The following MGAT4C variants were observed in gnomAD, a reference collection of about 807,000 sequenced individuals.
MGAT4C encodes MGAT4 family member C, also known as alpha-1,3-mannosyl-glycoprotein 4-beta-N-acetylglucosaminyltransferase C.
In MGAT4C, 19 loss-of-function variants were observed where a neutral mutation model predicts 40.1. That is an observed-to-expected ratio of 0.47 (90% CI 0.33 to 0.70). The LOEUF is 0.70. Ranked by LOEUF, MGAT4C falls within the 30% of genes least tolerant of loss-of-function variation. The pLI, the probability that MGAT4C is intolerant of heterozygous loss-of-function variation, is 0.02. For synonymous variants in MGAT4C, 181 were observed against 187.1 expected, an observed-to-expected ratio of 0.97 and a Z score of 0.27; for missense variants, 491 against 563.2, an observed-to-expected ratio of 0.87 and a Z score of 1.30.
At chr12:86,071,125 A>C (rs1249148972) in intron 1 of MGAT4C, among the ~76,000 whole-genome samples, 1 of 152,114 alleles carries the variant, frequency 6.6e-6, no homozygotes, top group Non-Finnish European at 1.5e-5. Flanking sequence ...AGGACACTGC[A>C]CTCAATCTTA....
chr12:86,665,455 C>CTT (rs1964081430), intron 2 of MGAT4C, among the ~76,000 whole-genome samples: 1 of 151,912 alleles, frequency 6.6e-6, no homozygotes, highest in Non-Finnish European at 1.5e-5. Flanking sequence ...CGGCTCACTG[C>CTT]AAGTTCCGCT....
At chr12:86,447,500 A>C (rs1186712766) in intron 2 of MGAT4C, among the ~76,000 whole-genome samples, 1 of 152,200 alleles carries the variant, frequency 6.6e-6, no homozygotes, top group Non-Finnish European at 1.5e-5. Context: ...AACTTAGTTT[A>C]GAGATATTTA....
At chr12:86,758,986 T>C (rs999428836) in intron 1 of MGAT4C, among the ~76,000 whole-genome samples, 2 of 152,098 alleles carry the variant, frequency 1.3e-5, no homozygotes, top group African/African-American at 4.8e-5. Context: ...TCATGGCCTA[T>C]TCTTCCTACC....
intron 2 of MGAT4C, among the ~76,000 whole-genome samples, chr12:86,442,297 C>T (rs147414347): frequency 0.03 from 4,512 of 152,180 alleles, 102 homozygotes; most frequent in Middle Eastern, 0.072. Context: ...TGTAGGTTGC[C>T]TGTTCACTCT....
intron 1 of MGAT4C, among the ~76,000 whole-genome samples, chr12:86,801,340 C>T (rs1447265164): frequency 1.3e-5 from 2 of 151,718 alleles, no homozygotes; most frequent in African/African-American, 4.8e-5. Context: ...ATATCGAGAG[C>T]GTGTTGAGAA....
intron 1 of MGAT4C, among the ~76,000 whole-genome samples, chr12:86,208,339 C>T (rs967646116): frequency 4.6e-5 from 7 of 152,042 alleles, no homozygotes; most frequent in South Asian, 2.1e-4. Context: ...TGGTGGCATG[C>T]GCCTGTAATC....
intron 2 of MGAT4C, among the ~76,000 whole-genome samples, chr12:86,046,139 T>C (rs943624658): frequency 1.3e-5 from 2 of 152,198 alleles, no homozygotes; most frequent in Non-Finnish European, 1.5e-5. Context: ...GTTGAGAACA[T>C]AAGATGTTGT....
At chr12:86,266,216 A>G (rs1952783863) in intron 4 of MGAT4C, among the ~76,000 whole-genome samples, 2 of 152,212 alleles carry the variant, frequency 1.3e-5, no homozygotes, top group Non-Finnish European at 1.5e-5. Context: ...GTCTTGCTCC[A>G]GTTCTTAGGG....
chr12:86,311,256 C>T (rs1416945084), intron 4 of MGAT4C, among the ~76,000 whole-genome samples: 1 of 152,122 alleles, frequency 6.6e-6, no homozygotes, highest in Non-Finnish European at 1.5e-5. Flanking sequence ...GGCTACAAAC[C>T]TGTATGGCAT....
At chr12:86,103,363 G>T (rs1007953942) in intron 1 of MGAT4C, among the ~76,000 whole-genome samples, 6 of 152,162 alleles carry the variant, frequency 3.9e-5, no homozygotes, top group Non-Finnish European at 8.8e-5. Flanking sequence ...TAAGAGGGAT[G>T]CTAAGCAAGC....
intron 2 of MGAT4C, among the ~76,000 whole-genome samples, chr12:86,516,029 C>CT (rs1291033560): frequency 6.6e-6 from 1 of 152,008 alleles, no homozygotes; most frequent in East Asian, 1.9e-4. Context: ...CAGGTGTGAG[C>CT]CATCGCGCCC....
intron 2 of MGAT4C, among the ~76,000 whole-genome samples, chr12:86,543,380 C>A (rs1959177817): frequency 6.6e-6 from 1 of 151,052 alleles, no homozygotes; most frequent in African/African-American, 2.4e-5. Context: ...AGATTAACAC[C>A]CAGAAAGGAC....
intron 1 of MGAT4C, among the ~76,000 whole-genome samples, chr12:86,140,085 C>CTTAA (rs993778410): frequency 6.6e-6 from 1 of 152,042 alleles, no homozygotes; most frequent in Non-Finnish European, 1.5e-5. Flanking sequence ...CTATACTGGC[C>CTTAA]TTAAATTTCT....
chr12:86,413,159 G>C (rs1288936438), intron 3 of MGAT4C, among the ~76,000 whole-genome samples: 1 of 151,986 alleles, frequency 6.6e-6, no homozygotes, highest in African/African-American at 2.4e-5. Flanking sequence ...TTTGTATACT[G>C]AAAAACAGTA....
intron 4 of MGAT4C, among the ~76,000 whole-genome samples, chr12:86,305,402 G>A (rs1024871216): frequency 3.5e-5 from 5 of 144,594 alleles, no homozygotes; most frequent in Non-Finnish European, 7.4e-5. Context: ...TTGCACTATA[G>A]CACTCCAGCC....
At chr12:86,544,609 C>T (rs969949822) in intron 2 of MGAT4C, among the ~76,000 whole-genome samples, 1 of 152,034 alleles carries the variant, frequency 6.6e-6, no homozygotes, top group African/African-American at 2.4e-5. Context: ...CAAGTGTACA[C>T]AATGTGTTTT....
intron 3 of MGAT4C, among the ~76,000 whole-genome samples, chr12:86,393,369 T>C (rs1242624720): frequency 6.6e-6 from 1 of 152,158 alleles, no homozygotes; most frequent in Non-Finnish European, 1.5e-5. Context: ...TTTATACACC[T>C]GAAGCTTTTT....
intron 2 of MGAT4C, among the ~76,000 whole-genome samples, chr12:86,499,547 T>A (rs1194113514): frequency 2.0e-5 from 3 of 151,876 alleles, no homozygotes. Flanking sequence ...CGTCTCTTTT[T>A]TTTTAACACC....
chr12:86,585,062 A>T (rs549702476), intron 2 of MGAT4C, among the ~76,000 whole-genome samples: 1 of 151,444 alleles, frequency 6.6e-6, no homozygotes, highest in East Asian at 1.9e-4. Flanking sequence ...TCAGTCTATT[A>T]TTTGTTATTT....
Sources: gnomAD v4.1 joint callset for allele counts (sites outside exome capture counted in the v4.1 genomes callset) on GRCh38, gnomAD v4.1.1 for gene constraint, MANE v1.5 for transcripts, NCBI Gene and HGNC (gene_info 2026-07-23, HGNC 2026-07-21) for gene names.